ARL15: variants seen among roughly 807,000 people sequenced by gnomAD.
ARL15 encodes the protein ADP-ribosylation factor-like protein 15.
Under a neutral mutation model 25.2 loss-of-function variants are expected in ARL15, and 19 were observed. That is an observed-to-expected ratio of 0.75 (90% CI 0.53 to 1.10). The LOEUF (loss-of-function observed/expected upper bound fraction) is 1.10. ARL15 is among the 50% of genes least tolerant of loss of function. ARL15 has a pLI of 0.00. For synonymous variants in ARL15, 94 were observed against 86.8 expected (o/e 1.08, Z -0.46); for missense variants, 220 against 246.0 (o/e 0.89, Z 0.71).
chr5:54,192,088 C>T (rs1238930748), intron 1 of ARL15, among the ~76,000 whole-genome samples: 1 of 152,140 alleles, frequency 6.6e-6, no homozygotes, highest in Non-Finnish European at 1.5e-5. Flanking sequence ...CATCCAACTT[C>T]AGGACCTTTG....
intron 4 of ARL15, among the ~76,000 whole-genome samples, chr5:54,031,551 C>A (rs951652135): frequency 1.3e-5 from 2 of 152,138 alleles, no homozygotes; most frequent in African/African-American, 4.8e-5. Context: ...ACAGACCATG[C>A]GACCTGTTGC....
intron 4 of ARL15, among the ~76,000 whole-genome samples, chr5:53,985,695 T>A (rs1424730059): frequency 1.3e-5 from 2 of 152,222 alleles, no homozygotes; most frequent in Non-Finnish European, 2.9e-5. Flanking sequence ...TATAGTACAT[T>A]TGCTTATCTA....
intron 1 of ARL15, among the ~76,000 whole-genome samples, chr5:54,176,361 G>A (rs3843451): frequency 0.25 from 37,710 of 152,078 alleles, 4,988 homozygotes; most frequent in African/African-American, 0.33. Flanking sequence ...CTTCCAATGG[G>A]GAAGGAATGG....
At chr5:54,019,752 A>C (rs773636713) in intron 4 of ARL15, among the ~76,000 whole-genome samples, 2 of 152,220 alleles carry the variant, frequency 1.3e-5, no homozygotes, top group Non-Finnish European at 2.9e-5. Context: ...TTCTGTAAAA[A>C]ATCTGGAACA....
chr5:54,130,204 C>T (rs138305824), intron 3 of ARL15, among the ~76,000 whole-genome samples: 78 of 152,300 alleles, frequency 5.1e-4, no homozygotes, highest in Middle Eastern at 3.4e-3. Flanking sequence ...CACCACTGTA[C>T]TCTAGCCTGT....
intron 4 of ARL15, among the ~76,000 whole-genome samples, chr5:54,012,128 ACT>A (rs1212679686): frequency 6.6e-6 from 1 of 152,230 alleles, no homozygotes; most frequent in Non-Finnish European, 1.5e-5. Context: ...TTTTAAATAC[ACT>A]GTTTATATGT....
intron 3 of ARL15, among the ~76,000 whole-genome samples, chr5:54,133,860 G>A (rs1057344882): frequency 1.3e-5 from 2 of 152,066 alleles, no homozygotes; most frequent in African/African-American, 4.8e-5. Flanking sequence ...AAAGATTAGA[G>A]GCTAAAATGA....
intron 4 of ARL15, among the ~76,000 whole-genome samples, chr5:54,017,026 C>G (rs918921802): frequency 6.6e-6 from 1 of 152,158 alleles, no homozygotes; most frequent in African/African-American, 2.4e-5. Context: ...AATCGTGGTG[C>G]GTCCTCTACT....
At chr5:53,936,785 G>A (rs537239072) in intron 4 of ARL15, among the ~76,000 whole-genome samples, 1 of 152,288 alleles carries the variant, frequency 6.6e-6, no homozygotes, top group East Asian at 1.9e-4. Flanking sequence ...GTTAAGCAGT[G>A]AGAGTTCCTC....
chr5:54,168,814 T>G (rs1256640902), intron 2 of ARL15, among the ~76,000 whole-genome samples: 1 of 152,176 alleles, frequency 6.6e-6, no homozygotes, highest in East Asian at 1.9e-4. Context: ...CACTCTCCTC[T>G]TTTAACTTTC....
chr5:53,960,812 C>G (rs767893484), intron 4 of ARL15, among the ~76,000 whole-genome samples: 1 of 152,216 alleles, frequency 6.6e-6, no homozygotes, highest in Non-Finnish European at 1.5e-5. Context: ...ATTCCACTTT[C>G]AATCCTCTGT....
At chr5:53,973,861 T>C (rs1468594287) in intron 4 of ARL15, among the ~76,000 whole-genome samples, 1 of 152,204 alleles carries the variant, frequency 6.6e-6, no homozygotes, top group Non-Finnish European at 1.5e-5. Flanking sequence ...TACAGTCATT[T>C]ATCATATGCA....
Position 54,241,537 on chromosome 5 carries a change from C to T in ARL15, c.48+68895G>A, listed in dbSNP as rs1159944703. On this transcript the variant is annotated intron_variant, in intron 1 of 4. Coordinates refer to ENST00000504924, the MANE Select transcript of ARL15 (RefSeq NM_019087.3). ...TTTTTAATGTGCTTCTCAAATAATA[C>T]TCTCTCAATGAAAGGTAAAATAATA... Among the ~76,000 whole-genome samples, 3 of 152,066 alleles carry T rather than the reference C, an allele frequency of 2.0e-5. 1 individual carries two copies.
intron 1 of ARL15, among the ~76,000 whole-genome samples, chr5:54,228,896 C>G (rs1756595776): frequency 6.6e-6 from 1 of 152,158 alleles, no homozygotes; most frequent in Non-Finnish European, 1.5e-5. Context: ...ACTTTAAAAG[C>G]ACCAAACATA....
chr5:54,099,878 T>C (rs899346094), intron 4 of ARL15, among the ~76,000 whole-genome samples: 1 of 152,166 alleles, frequency 6.6e-6, no homozygotes, highest in African/African-American at 2.4e-5. Context: ...ATAATTTAGA[T>C]GGTCAACAGT....
chr5:54,177,013 T>C (rs897528846), intron 1 of ARL15, among the ~76,000 whole-genome samples: 3 of 152,058 alleles, frequency 2.0e-5, no homozygotes, highest in African/African-American at 7.2e-5. Flanking sequence ...CCCACTCCCC[T>C]GGTAGCAGCA....
At chr5:53,963,570 G>A (rs1747439714) in intron 4 of ARL15, among the ~76,000 whole-genome samples, 1 of 152,188 alleles carries the variant, frequency 6.6e-6, no homozygotes, top group Non-Finnish European at 1.5e-5. Context: ...CACTTTGGGA[G>A]GCCAAGACGG....
chr5:54,016,878 T>C (rs1045137242), intron 4 of ARL15, among the ~76,000 whole-genome samples: 2 of 152,226 alleles, frequency 1.3e-5, no homozygotes, highest in African/African-American at 4.8e-5. Flanking sequence ...CTGTCATCTA[T>C]TTCCCTCCCT....
chr5:54,310,534 C>T lies in ARL15; in HGVS notation c.-55G>A, dbSNP rs1463210878. 2.6e-6 allele frequency: 4 copies of T among 1,552,316 alleles called. No homozygotes were observed. Among genetic ancestry groups the T allele is most frequent in the African/African-American group, 1.4e-5 (1 of 72,512 alleles). On this transcript the variant is annotated 5_prime_UTR_variant, in exon 1 of 5. Coordinates refer to ENST00000504924, the MANE Select transcript of ARL15 (RefSeq NM_019087.3). ...CGAACCCGGAAAAAAAAAGCAGCGT[C>T]TCTGGCTGCGAGCGAGCAGCTCCTG... is the stretch of plus-strand genomic sequence containing the variant.
Sources: allele counts gnomAD v4.1 joint callset (sites outside exome capture counted in the v4.1 genomes callset), GRCh38; gene constraint gnomAD v4.1.1; transcripts MANE v1.5; gene names NCBI Gene and HGNC (gene_info 2026-07-23, HGNC 2026-07-21).